Variants in C1orf21 observed in about 807,000 individuals in gnomAD.
The protein encoded by C1orf21 is chromosome 1 open reading frame 21, also known as uncharacterized protein C1orf21.
In C1orf21, 3 loss-of-function variants were observed where a neutral mutation model predicts 18.7. That is an observed-to-expected ratio of 0.16 (90% confidence interval 0.07 to 0.42). The LOEUF (loss-of-function observed/expected upper bound fraction) is 0.42. Among genes scored for constraint, C1orf21 ranks in the 10% least tolerant of loss-of-function variants. C1orf21 has a pLI of 0.99. For synonymous variants in C1orf21, 41 were observed against 46.4 expected (o/e 0.88, Z 0.47); for missense variants, 104 against 143.6 (o/e 0.72, Z 1.41).
chr1:184,573,505 TGTTA>T (rs1659143380), intron 3 of C1orf21, among the ~76,000 whole-genome samples: 1 of 152,256 alleles, frequency 6.6e-6, no homozygotes, highest in South Asian at 2.1e-4. Flanking sequence ...ACAATTCTGA[TGTTA>T]GTTCTGTTTA....
chr1:184,513,594 C>G (rs1288101451), intron 3 of C1orf21, among the ~76,000 whole-genome samples: 1 of 152,228 alleles, frequency 6.6e-6, no homozygotes, highest in African/African-American at 2.4e-5. Flanking sequence ...GCCTGGATGG[C>G]TGGTAGGCTA....
chr1:184,400,481 A>T (rs878932210), intron 1 of C1orf21, among the ~76,000 whole-genome samples: 1 of 152,178 alleles, frequency 6.6e-6, no homozygotes, highest in Admixed American at 6.5e-5. Context: ...CCCTCTTAGC[A>T]AAAAGGTTGC....
intron 1 of C1orf21, among the ~76,000 whole-genome samples, chr1:184,440,494 C>T (rs1307792402): frequency 1.3e-5 from 2 of 151,354 alleles, no homozygotes; most frequent in East Asian, 1.9e-4. Context: ...TCAGGTGATC[C>T]ACCTGCCTCA....
chr1:184,426,937 T>A (rs899353867), intron 1 of C1orf21, among the ~76,000 whole-genome samples: 5 of 152,152 alleles, frequency 3.3e-5, no homozygotes, highest in African/African-American at 1.2e-4. Flanking sequence ...GCTGGGTACT[T>A]AGGAGATTCA....
intron 3 of C1orf21, among the ~76,000 whole-genome samples, chr1:184,577,947 G>GTTTTGTTTTTTTTTTTTTTTT (rs1571285782): frequency 3.5e-5 from 3 of 86,720 alleles, no homozygotes; most frequent in Non-Finnish European, 4.4e-5. Context: ...TTTTTGTTTT[G>GTTTTGTTTTTTTTTTTTTTTT]TTTTTGTTTT....
Position 184,577,947 on chromosome 1 carries a change from G to GTTTTGTTT in C1orf21, c.190-12788_190-12787insGTTTTTTT, listed in dbSNP as rs1571285782. Among the ~76,000 whole-genome samples, 32 of 86,716 alleles carry GTTTTGTTT rather than the reference G, an allele frequency of 3.7e-4. 1 individual carries two copies. The highest frequency in any genetic ancestry group is 7.2e-4 in the South Asian group (2 of 2,782). The allele number at this position is 86,716 out of a possible 152,430, so 56.9% of individuals were successfully genotyped here. ...TCTTTGTCCGTTTGTTTTTTGTTTT[G>GTTTTGTTT]TTTTTGTTTTTTTTTTTTTTTTTTG... On this transcript the variant is annotated intron_variant, in intron 3 of 5. Transcript: ENST00000235307.
chr1:184,389,859 TG>T (rs1299042257), intron 1 of C1orf21, among the ~76,000 whole-genome samples: 2 of 152,262 alleles, frequency 1.3e-5, no homozygotes, highest in East Asian at 3.9e-4. Context: ...AGAAGGCAGG[TG>T]ACATATTTAC....
intron 3 of C1orf21, among the ~76,000 whole-genome samples, chr1:184,525,300 T>C (rs894491029): frequency 3.3e-5 from 5 of 152,138 alleles, no homozygotes; most frequent in African/African-American, 4.8e-5. Flanking sequence ...CGAATTATCA[T>C]AAAATGTATA....
intron 3 of C1orf21, among the ~76,000 whole-genome samples, chr1:184,524,833 A>T (rs1658355630): frequency 6.6e-6 from 1 of 152,096 alleles, no homozygotes; most frequent in African/African-American, 2.4e-5. Context: ...GCTTCAACCT[A>T]AAGGCAGCTT....
rs146541856 is a variant in C1orf21, at chr1:184,454,325, C to T, written c.-124-23061C>T. On this transcript the variant is annotated intron_variant, in intron 1 of 5. Transcript: ENST00000235307. ...AATTATAATTAAAGATACCTTGAAA[C>T]CAAAGAAAATGACTGAGGTGAGTCT... Among the ~76,000 whole-genome samples the T allele has an allele frequency of 4.4e-3, 664 of 152,102 alleles. 2 individuals are homozygous for T. Among genetic ancestry groups the T allele is most frequent in the South Asian group, 0.012 (57 of 4,808 alleles).
At chr1:184,562,294 A>G (rs908170360) in intron 3 of C1orf21, among the ~76,000 whole-genome samples, 4 of 152,240 alleles carry the variant, frequency 2.6e-5, no homozygotes, top group African/African-American at 9.6e-5. Context: ...TTCAAAGAGT[A>G]AATTATAACA....
intron 1 of C1orf21, among the ~76,000 whole-genome samples, chr1:184,475,786 TCCACAGG>T (rs1657562572): frequency 6.9e-6 from 1 of 145,462 alleles, no homozygotes; most frequent in Non-Finnish European, 1.5e-5. Context: ...TGTGTGTCCA[TCCACAGG>T]CCTGGATTTC....
At chr1:184,523,480 T>G (rs1658335063) in intron 3 of C1orf21, among the ~76,000 whole-genome samples, 1 of 152,064 alleles carries the variant, frequency 6.6e-6, no homozygotes, top group African/African-American at 2.4e-5. Flanking sequence ...AAGGAAAATC[T>G]GAGAAACTGT....
At chr1:184,444,301 A>G (rs1656994916) in intron 1 of C1orf21, among the ~76,000 whole-genome samples, 1 of 152,148 alleles carries the variant, frequency 6.6e-6, no homozygotes, top group Non-Finnish European at 1.5e-5. Context: ...TTGTACTCCC[A>G]TAATTCCCAT....
chr1:184,582,645 C>G (rs1007124635), intron 3 of C1orf21, among the ~76,000 whole-genome samples: 9 of 152,166 alleles, frequency 5.9e-5, no homozygotes, highest in African/African-American at 2.2e-4. Context: ...CAATTCAGAA[C>G]CAATTTGCAA....
intron 3 of C1orf21, among the ~76,000 whole-genome samples, chr1:184,546,813 A>G (rs543153070): frequency 1.3e-5 from 2 of 152,294 alleles, no homozygotes; most frequent in African/African-American, 4.8e-5. Flanking sequence ...CAGTTCACAT[A>G]AAGGACTGGA....
intron 1 of C1orf21, among the ~76,000 whole-genome samples, chr1:184,436,410 G>C (rs934856524): frequency 2.6e-5 from 4 of 152,054 alleles, no homozygotes; most frequent in African/African-American, 7.2e-5. Flanking sequence ...TACCTGCAAA[G>C]GGTGTGTAGA....
rs898876033 is a variant in C1orf21 at position 184,405,247 on chromosome 1, G to A, written c.-125+17879G>A. On this transcript the variant is annotated intron_variant, in intron 1 of 5. Transcript: ENST00000235307. The stretch of plus-strand genomic sequence containing the variant: ...GTCTTGCTCTGTTGCCCATGCTGGA[G>A]TGCAGTGGCACGATCACAGCTTATT... Among the ~76,000 whole-genome samples the A allele has an allele frequency of 2.6e-5, 4 of 151,996 alleles. No homozygotes were observed. In the East Asian group the frequency reaches 7.7e-4, roughly 29 times the overall value.
rs117513175 is a variant in C1orf21 at position 184,579,969 on chromosome 1, C to T, written c.190-10770C>T. Among the ~76,000 whole-genome samples the T allele has an allele frequency of 2.6e-5, 4 of 152,278 alleles. No individual in the cohort carries two copies. In the East Asian group the frequency reaches 7.7e-4, roughly 29 times the overall value. On this transcript the variant is annotated intron_variant, in intron 3 of 5. Coordinates refer to ENST00000235307, the MANE Select transcript of C1orf21 (RefSeq NM_030806.4). Reference sequence around the variant, plus strand: ...GCCCTTGCTTAATGAGAGGAATGAGCAGGAGCCTTGTCATGGTGGAGAAGG... The same window carrying T: ...GCCCTTGCTTAATGAGAGGAATGAGTAGGAGCCTTGTCATGGTGGAGAAGG...
Sources: gnomAD v4.1 joint callset for allele counts (sites outside exome capture counted in the v4.1 genomes callset) on GRCh38, gnomAD v4.1.1 for gene constraint, MANE v1.5 for transcripts, NCBI Gene and HGNC (gene_info 2026-07-23, HGNC 2026-07-21) for gene names.